Variants in LRP1B observed in about 807,000 individuals in gnomAD.
LRP1B encodes low-density lipoprotein receptor-related protein 1B.
In LRP1B, 217 loss-of-function variants were observed where a neutral mutation model predicts 556.6. That is an observed-to-expected ratio of 0.39 (90% CI 0.35 to 0.44). The LOEUF (loss-of-function observed/expected upper bound fraction) is 0.44, where lower values mean the gene tolerates loss of function less well. Ranked by LOEUF, LRP1B falls within the 20% of genes least tolerant of loss-of-function variation. The pLI, the probability that LRP1B is intolerant of heterozygous loss-of-function variation, is 1.00. For synonymous variants in LRP1B, 2,047 were observed against 1,865.8 expected (o/e 1.10, Z -2.50); for missense variants, 5,053 against 5,620.8 (o/e 0.90, Z 3.23).
At chr2:142,023,953 G>A (rs1703424544) in intron 1 of LRP1B, among the ~76,000 whole-genome samples, 2 of 152,056 alleles carry the variant, frequency 1.3e-5, no homozygotes, top group African/African-American at 2.4e-5. Flanking sequence ...TGACTTTTAT[G>A]TATGTATTTT....
intron 1 of LRP1B, among the ~76,000 whole-genome samples, chr2:142,126,521 G>T (rs973640340): frequency 6.6e-6 from 1 of 151,784 alleles, no homozygotes; most frequent in Non-Finnish European, 1.5e-5. Flanking sequence ...ATATCATGTT[G>T]GCACAGGCAT....
intron 3 of LRP1B, among the ~76,000 whole-genome samples, chr2:141,353,253 T>C (rs1202576360): frequency 2.0e-5 from 3 of 151,940 alleles, no homozygotes; most frequent in African/African-American, 7.2e-5. Context: ...CCTCATTGCA[T>C]CATTGTCTTA....
At chr2:141,509,904 C>A (rs973174809) in intron 2 of LRP1B, among the ~76,000 whole-genome samples, 1 of 151,928 alleles carries the variant, frequency 6.6e-6, no homozygotes, top group Non-Finnish European at 1.5e-5. Context: ...TTTAGGACAA[C>A]TAAAGGACTT....
intron 3 of LRP1B, among the ~76,000 whole-genome samples, chr2:141,297,960 G>A (rs1240972906): frequency 1.3e-5 from 2 of 152,132 alleles, no homozygotes; most frequent in African/African-American, 4.8e-5. Context: ...GTCTGTGTAA[G>A]TACACTCTGT....
intron 7 of LRP1B, among the ~76,000 whole-genome samples, chr2:141,066,443 G>A (rs1489515550): frequency 6.6e-6 from 1 of 151,988 alleles, no homozygotes; most frequent in Non-Finnish European, 1.5e-5. Context: ...ACAGAGCACT[G>A]TGCTTACAGA....
chr2:140,244,296 G>A (rs1681066519), intron 87 of LRP1B, among the ~76,000 whole-genome samples: 1 of 151,190 alleles, frequency 6.6e-6, no homozygotes, highest in African/African-American at 2.4e-5. Flanking sequence ...TAAAGACAAA[G>A]TAGCAAAAGA....
At chr2:141,500,885 T>C (rs773017978) in intron 2 of LRP1B, among the ~76,000 whole-genome samples, 6 of 152,118 alleles carry the variant, frequency 3.9e-5, no homozygotes, top group Non-Finnish European at 8.8e-5. Flanking sequence ...ATTGCCACAG[T>C]TATTTCTGAC....
rs192941618 is a variant in LRP1B, at chr2:141,062,988, G to T, written c.1014-715C>A. 3.4e-3 allele frequency among the ~76,000 whole-genome samples: 509 copies of T among 151,770 alleles called. 3 individuals are homozygous for T. Among genetic ancestry groups the T allele is most frequent in the African/African-American group, 0.011 (467 of 41,442 alleles). On this transcript the variant is annotated intron_variant, in intron 7 of 90. Transcript: ENST00000389484. The stretch of plus-strand genomic sequence containing the variant: ...ACAAATTCTTTCATACTGTGCTAAT[G>T]GTGTCTGTCAAAGTTTAAAATGTAA...
intron 57 of LRP1B, among the ~76,000 whole-genome samples, chr2:140,491,249 G>T (rs1384219032): frequency 1.3e-5 from 2 of 152,068 alleles, no homozygotes; most frequent in South Asian, 2.1e-4. Context: ...TTCTATATTA[G>T]TTAAACTTAT....
intron 7 of LRP1B, among the ~76,000 whole-genome samples, chr2:141,145,870 T>A (rs1343623266): frequency 6.6e-6 from 1 of 151,750 alleles, no homozygotes; most frequent in African/African-American, 2.4e-5. Context: ...TCAAAATATG[T>A]CTTTTACAAG....
chr2:140,608,835 T>C (rs1263022146), intron 41 of LRP1B, among the ~76,000 whole-genome samples: 3 of 151,998 alleles, frequency 2.0e-5, no homozygotes, highest in Admixed American at 1.3e-4. Flanking sequence ...TGTTTCTTTG[T>C]TTGTTTGTTT....
chr2:140,993,654 T>C (rs564926254), intron 16 of LRP1B, among the ~76,000 whole-genome samples: 38 of 152,050 alleles, frequency 2.5e-4, no homozygotes, highest in Non-Finnish European at 4.7e-4. Flanking sequence ...GGAATTTAAA[T>C]TGATTTTCCA....
rs528684321 is a variant in LRP1B, at chr2:140,541,716, T to C, written c.7387+63A>G. On this transcript the variant is annotated intron_variant, in intron 44 of 90. Coordinates refer to ENST00000389484, the MANE Select transcript of LRP1B (RefSeq NM_018557.3). ...TCCAACTATTACTAGAAAACATATA[T>C]ACATTTTTAGAGATCAGAGATTATA... 7.7e-5 allele frequency: 95 copies of C among 1,238,912 alleles called. 1 individual carries two copies. In the South Asian group the frequency reaches 1.3e-3, roughly 16 times the overall value. The allele number at this position is 1,238,912 out of a possible 1,614,324, so 76.7% of individuals were successfully genotyped here.
chr2:140,895,457 A>G (rs1405294846), intron 23 of LRP1B, among the ~76,000 whole-genome samples: 11 of 151,952 alleles, frequency 7.2e-5, no homozygotes, highest in African/African-American at 2.7e-4. Context: ...GGAAGGGGAG[A>G]AGGCAGGTGA....
At chr2:140,348,841 C>T (rs1681816974) in intron 77 of LRP1B, among the ~76,000 whole-genome samples, 1 of 152,032 alleles carries the variant, frequency 6.6e-6, no homozygotes, top group Non-Finnish European at 1.5e-5. Context: ...TTCTAATCTA[C>T]AATAAATTTT....
At chr2:141,717,722 T>C (rs929450881) in intron 2 of LRP1B, among the ~76,000 whole-genome samples, 2 of 152,234 alleles carry the variant, frequency 1.3e-5, no homozygotes, top group Non-Finnish European at 2.9e-5. Flanking sequence ...CCTATCTGTA[T>C]ATCATTAATT....
intron 3 of LRP1B, among the ~76,000 whole-genome samples, chr2:141,306,056 G>T (rs1180997452): frequency 6.6e-6 from 1 of 152,068 alleles, no homozygotes; most frequent in Non-Finnish European, 1.5e-5. Flanking sequence ...TTCTTTCCTT[G>T]TTGTATCTTT....
intron 43 of LRP1B, among the ~76,000 whole-genome samples, chr2:140,561,293 C>T (rs781700236): frequency 2.6e-5 from 4 of 152,108 alleles, no homozygotes; most frequent in Non-Finnish European, 5.9e-5. Flanking sequence ...TGCCCCATAC[C>T]GACACACAGA....
intron 35 of LRP1B, among the ~76,000 whole-genome samples, chr2:140,748,356 AAT>A (rs1688410344): frequency 3.2e-5 from 3 of 94,774 alleles, no homozygotes; most frequent in African/African-American, 8.8e-5. Context: ...ATTCATATAT[AAT>A]ATATATTTAT....
Sources: gnomAD v4.1 joint callset for allele counts (sites outside exome capture counted in the v4.1 genomes callset) on GRCh38, gnomAD v4.1.1 for gene constraint, MANE v1.5 for transcripts, NCBI Gene and HGNC (gene_info 2026-07-23, HGNC 2026-07-21) for gene names.